The following SRGAP1 variants were observed in gnomAD, a reference collection of about 807,000 sequenced individuals.
The protein encoded by SRGAP1 is SLIT-ROBO Rho GTPase-activating protein 1.
SRGAP1 carries 43 observed loss-of-function variants against 121.9 expected under a neutral mutation model. That is an observed-to-expected ratio of 0.35 (90% CI 0.28 to 0.46). The LOEUF (loss-of-function observed/expected upper bound fraction) is 0.46, where lower values mean the gene tolerates loss of function less well. SRGAP1 is among the 20% of genes least tolerant of loss of function. The pLI, the probability that SRGAP1 is intolerant of heterozygous loss-of-function variation, is 1.00. For synonymous variants in SRGAP1, 447 were observed against 485.4 expected (o/e 0.92, Z 1.04); for missense variants, 1,102 against 1,350.9 (o/e 0.82, Z 2.89).
At chr12:63,861,499 A>G (rs1479494254) in intron 1 of SRGAP1, among the ~76,000 whole-genome samples, 3 of 151,856 alleles carry the variant, frequency 2.0e-5, no homozygotes, top group Non-Finnish European at 4.4e-5. Context: ...GGGTTTCACC[A>G]TGTTAGCCAG....
intron 1 of SRGAP1, among the ~76,000 whole-genome samples, chr12:63,849,540 C>G (rs1043430302): frequency 3.9e-5 from 6 of 152,284 alleles, no homozygotes; most frequent in Non-Finnish European, 8.8e-5. Flanking sequence ...ATCTGTTGTT[C>G]TTTGACCACT....
At chr12:63,919,629 A>C (rs1286915702) in intron 1 of SRGAP1, among the ~76,000 whole-genome samples, 2 of 151,882 alleles carry the variant, frequency 1.3e-5, no homozygotes, top group East Asian at 3.8e-4. Flanking sequence ...ATTCTGTCGC[A>C]CTTATCTGTG....
At chr12:64,094,318 A>C (rs2036113297) in intron 12 of SRGAP1, among the ~76,000 whole-genome samples, 1 of 152,054 alleles carries the variant, frequency 6.6e-6, no homozygotes. Context: ...AGGCCCAAAA[A>C]TGTTCCTTTC....
intron 1 of SRGAP1, among the ~76,000 whole-genome samples, chr12:63,900,700 G>A (rs1411749403): frequency 2.6e-5 from 4 of 152,158 alleles, no homozygotes; most frequent in Non-Finnish European, 2.9e-5. Flanking sequence ...TGTAGTCCCA[G>A]CTACTTGGGA....
intron 4 of SRGAP1, among the ~76,000 whole-genome samples, chr12:64,029,188 T>C (rs2034720564): frequency 6.6e-6 from 1 of 152,196 alleles, no homozygotes; most frequent in African/African-American, 2.4e-5. Context: ...AGAGAGGAGC[T>C]ATGACTTTAA....
At chr12:63,958,902 A>C (rs554846886) in intron 1 of SRGAP1, among the ~76,000 whole-genome samples, 10 of 152,178 alleles carry the variant, frequency 6.6e-5, no homozygotes, top group Non-Finnish European at 1.5e-4. Flanking sequence ...AGTCCCATTT[A>C]TGTAAAGCAT....
At chr12:64,042,606 A>G (rs1379765259) in intron 4 of SRGAP1, among the ~76,000 whole-genome samples, 184 bp from the exon 5 acceptor site, 1 of 152,158 alleles carries the variant, frequency 6.6e-6, no homozygotes, top group Non-Finnish European at 1.5e-5. Context: ...ATGAATTTGC[A>G]TATTTCTGTG....
chr12:64,032,725 T>C (rs1157987841), intron 4 of SRGAP1: 3 of 275,530 alleles, frequency 1.1e-5, no homozygotes, highest in African/African-American at 6.6e-5. Flanking sequence ...TCTTCACTTA[T>C]TATTGATCTT....
At chr12:64,081,811 ACAGT>A (rs1191573824) in intron 10 of SRGAP1, 2 of 151,792 alleles carry the variant, frequency 1.3e-5, no homozygotes, top group East Asian at 3.9e-4. Context: ...GAAAGAAGGT[ACAGT>A]CAATGTGGCA....
chr12:63,942,179 G>T lies in SRGAP1; in HGVS notation c.68-41768G>T, dbSNP rs116690432. Among the ~76,000 whole-genome samples, 884 of 151,850 alleles carry T rather than the reference G, an allele frequency of 5.8e-3. 10 individuals carry two copies. Among genetic ancestry groups the T allele is most frequent in the African/African-American group, 0.02 (839 of 41,418 alleles). On this transcript the variant is annotated intron_variant, in intron 1 of 21. Transcript: ENST00000355086. ...AGTCTTGTTGAAAAATTTCTCTATG[G>T]GCATCATTGTAATTCTAGCAGTCCT...
At chr12:64,050,943 C>T (rs570088137) in intron 6 of SRGAP1, among the ~76,000 whole-genome samples, 321 of 152,180 alleles carry the variant, frequency 2.1e-3, no homozygotes, top group African/African-American at 7.1e-3. Flanking sequence ...AGGCTGGTTT[C>T]GAACTCCTGA....
At chr12:64,140,721 T>G (rs1204929592) in intron 21 of SRGAP1, among the ~76,000 whole-genome samples, 204 of 129,232 alleles carry the variant, frequency 1.6e-3, no homozygotes, top group African/African-American at 5.9e-3. Flanking sequence ...TGGCGATTCC[T>G]CAGGGATCTA....
chr12:63,995,332 A>G (rs1245718794), intron 3 of SRGAP1, among the ~76,000 whole-genome samples: 1 of 152,188 alleles, frequency 6.6e-6, no homozygotes, highest in Non-Finnish European at 1.5e-5. Context: ...TAGCTCACAT[A>G]TCCTCACAGC....
rs2037012326 is a variant in SRGAP1 at position 64,144,181 on chromosome 12, T to C, written c.*1509T>C. The C allele has an allele frequency of 1.3e-5, 2 of 152,076 alleles. No individual in the cohort carries two copies. The highest frequency in any genetic ancestry group is 4.2e-4 in the South Asian group (2 of 4,796). 9.4% of individuals were successfully genotyped at this position (152,076 alleles called of 1,614,324 possible). A position where few individuals can be genotyped will look rare whatever the true frequency, so the allele number is the denominator to read the frequency against. On this transcript the variant is annotated 3_prime_UTR_variant, in exon 22 of 22. Coordinates refer to ENST00000355086, the MANE Select transcript of SRGAP1 (RefSeq NM_020762.4). The stretch of plus-strand genomic sequence containing the variant: ...TACTAGCAGCAGCTGATATCACCTG[T>C]AGACCTATGAGCATTTTATCTATTC...
intron 4 of SRGAP1, chr12:64,032,429 TGA>T (rs1231569699): frequency 1.5e-5 from 10 of 673,832 alleles, no homozygotes; most frequent in Admixed American, 4.5e-5. Flanking sequence ...ATCTCTGGGC[TGA>T]GAGAGATCCT....
chr12:63,962,396 G>A (rs1236898811), intron 1 of SRGAP1, among the ~76,000 whole-genome samples: 1 of 152,076 alleles, frequency 6.6e-6, no homozygotes, highest in Non-Finnish European at 1.5e-5. Flanking sequence ...CAATGGTTTG[G>A]TGATTGGGAG....
chr12:64,105,975 G>A (rs956684136), intron 15 of SRGAP1, among the ~76,000 whole-genome samples: 8 of 152,130 alleles, frequency 5.3e-5, no homozygotes, highest in South Asian at 4.2e-4. Context: ...TAAAACTAGC[G>A]TTAAGCTACA....
chr12:63,946,737 G>C (rs548357732), intron 1 of SRGAP1, among the ~76,000 whole-genome samples: 1 of 151,918 alleles, frequency 6.6e-6, no homozygotes. Flanking sequence ...TAGAGACGGG[G>C]TTTCTCCATG....
chr12:64,032,439 C>G, intron 4 of SRGAP1: 2 of 701,772 alleles, frequency 2.8e-6, no homozygotes, highest in South Asian at 1.6e-5. Context: ...TGAGAGAGAT[C>G]CTGAGTTTGC....
Sources: gnomAD v4.1 joint callset for allele counts (sites outside exome capture counted in the v4.1 genomes callset) on GRCh38, gnomAD v4.1.1 for gene constraint, MANE v1.5 for transcripts, NCBI Gene and HGNC (gene_info 2026-07-23, HGNC 2026-07-21) for gene names.